LRRC8D: variants seen among roughly 807,000 people sequenced by gnomAD.
LRRC8D encodes volume-regulated anion channel subunit LRRC8D.
A neutral mutation model predicts 55.8 loss-of-function variants in LRRC8D; 20 were observed. The ratio of observed to expected loss-of-function variants is 0.36; its 90% CI spans 0.25 to 0.52. LRRC8D has a LOEUF of 0.52. Among genes scored for constraint, LRRC8D ranks in the 20% least tolerant of loss-of-function variants. The pLI, the probability that LRRC8D is intolerant of heterozygous loss-of-function variation, is 0.93. For synonymous variants in LRRC8D, 352 were observed against 377.0 expected (o/e 0.93, Z 0.77); for missense variants, 651 against 1,030.8 (o/e 0.63, Z 5.05).
intron 2 of LRRC8D, among the ~76,000 whole-genome samples, chr1:89,920,133 T>C (rs1011604703): frequency 1.3e-5 from 2 of 152,196 alleles, no homozygotes; most frequent in African/African-American, 4.8e-5. Flanking sequence ...TAAAAACAAA[T>C]TCACAGCAGT....
chr1:89,843,592 C>T (rs771314829), intron 1 of LRRC8D, 46 bp from the exon 2 acceptor site: 61 of 698,434 alleles, frequency 8.7e-5, no homozygotes, highest in Non-Finnish European at 1.6e-4. Context: ...CCGCTGCCGA[C>T]ACTTGGATCT....
At chr1:89,927,735 G>T (rs990386540) in intron 2 of LRRC8D, among the ~76,000 whole-genome samples, 4 of 152,106 alleles carry the variant, frequency 2.6e-5, no homozygotes, top group Non-Finnish European at 5.9e-5. Context: ...TAGGAATTCT[G>T]GTGGATTTTA....
At chr1:89,879,977 T>C (rs977947447) in intron 2 of LRRC8D, among the ~76,000 whole-genome samples, 4 of 152,002 alleles carry the variant, frequency 2.6e-5, no homozygotes, top group African/African-American at 9.7e-5. Context: ...TCTAGAGAGA[T>C]AGTGTGGACT....
chr1:89,821,499 T>C (rs888880012), intron 1 of LRRC8D, among the ~76,000 whole-genome samples: 3 of 152,140 alleles, frequency 2.0e-5, no homozygotes, highest in African/African-American at 7.2e-5. Context: ...CGCCAGGGCC[T>C]GGGAGATTGT....
chr1:89,884,144 C>T lies in LRRC8D; in HGVS notation c.-3+40362C>T, dbSNP rs187949723. Among the ~76,000 whole-genome samples the T allele has an allele frequency of 3.3e-4, 50 of 152,322 alleles. 1 individual carries two copies. Among genetic ancestry groups the T allele is most frequent in the Admixed American group, 2.4e-3 (36 of 15,304 alleles). ...GTTTGAACGGCATCTAGTCATGCTA[C>T]AGCCTGCACCTAAAATTGCAGATGG... On this transcript the variant is annotated intron_variant, in intron 2 of 2. Coordinates refer to ENST00000337338, the MANE Select transcript of LRRC8D (RefSeq NM_001134479.2).
chr1:89,870,276 A>T (rs1165227688), intron 2 of LRRC8D, among the ~76,000 whole-genome samples: 1 of 151,922 alleles, frequency 6.6e-6, no homozygotes, highest in Non-Finnish European at 1.5e-5. Flanking sequence ...GGAGATAGAG[A>T]CCATCCTGGC....
At chr1:89,846,244 T>A (rs115745212) in intron 2 of LRRC8D, among the ~76,000 whole-genome samples, 2,715 of 152,260 alleles carry the variant, frequency 0.018, 66 homozygotes, top group African/African-American at 0.059. Flanking sequence ...ATTCTAGTGA[T>A]ATTTAAACTC....
intron 1 of LRRC8D, among the ~76,000 whole-genome samples, chr1:89,833,113 A>G (rs1034400795): frequency 1.3e-5 from 2 of 152,346 alleles, no homozygotes; most frequent in East Asian, 1.9e-4. Context: ...CTCTCACAAC[A>G]ACGACGAACA....
chr1:89,843,698 G>A lies in LRRC8D; in HGVS notation c.-87G>A. On this transcript the variant is annotated 5_prime_UTR_variant, in exon 2 of 3. Transcript: ENST00000337338. ...TCAGGATGGAGGAGTGAAGTCTCCTGTCGCCGTGGTTCCAGCCTCCGGAGC... is the reference window on the plus strand; with the variant it reads ...TCAGGATGGAGGAGTGAAGTCTCCTATCGCCGTGGTTCCAGCCTCCGGAGC... 1.4e-6 allele frequency: 1 copy of A among 702,228 alleles called. No homozygotes were observed. Among genetic ancestry groups the A allele is most frequent in the Non-Finnish European group, 2.6e-6 (1 of 384,780 alleles). The allele number at this position is 702,228 out of a possible 1,614,324, so 43.5% of individuals were successfully genotyped here.
At chr1:89,895,540 A>G (rs1662685466) in intron 2 of LRRC8D, among the ~76,000 whole-genome samples, 1 of 129,674 alleles carries the variant, frequency 7.7e-6, no homozygotes, top group African/African-American at 3.1e-5. Context: ...TGTTGCTTTT[A>G]AAGATGTACT....
At chr1:89,851,572 C>T (rs1377746522) in intron 2 of LRRC8D, among the ~76,000 whole-genome samples, 5 of 151,502 alleles carry the variant, frequency 3.3e-5, no homozygotes, top group Non-Finnish European at 5.9e-5. Flanking sequence ...TGCAATGGCA[C>T]AATCTCGGCT....
intron 2 of LRRC8D, among the ~76,000 whole-genome samples, chr1:89,895,198 T>G (rs1406560776): frequency 6.6e-6 from 1 of 152,226 alleles, no homozygotes; most frequent in African/African-American, 2.4e-5. Context: ...AGGACTTTTG[T>G]ATTACTACGC....
At chr1:89,884,014 A>C (rs1662345661) in intron 2 of LRRC8D, among the ~76,000 whole-genome samples, 1 of 152,152 alleles carries the variant, frequency 6.6e-6, no homozygotes, top group Non-Finnish European at 1.5e-5. Flanking sequence ...ATTATTACTG[A>C]TTCTTTGTAG....
chr1:89,871,917 C>G (rs888048464), intron 2 of LRRC8D, among the ~76,000 whole-genome samples: 1 of 152,118 alleles, frequency 6.6e-6, no homozygotes, highest in East Asian at 1.9e-4. Flanking sequence ...CTAAATACTA[C>G]CTCGTATTTG....
At chr1:89,903,151 G>A (rs1662906791) in intron 2 of LRRC8D, among the ~76,000 whole-genome samples, 2 of 152,174 alleles carry the variant, frequency 1.3e-5, no homozygotes, top group Admixed American at 1.3e-4. Context: ...TCTTCGCTCT[G>A]GCAGTGTGAC....
intron 2 of LRRC8D, among the ~76,000 whole-genome samples, chr1:89,882,175 A>G (rs1021835439): frequency 2.0e-5 from 3 of 152,252 alleles, no homozygotes; most frequent in African/African-American, 7.2e-5. Context: ...TTGAGAAACA[A>G]GTTCCTGTAG....
At chr1:89,893,853 T>C (rs1239008644) in intron 2 of LRRC8D, among the ~76,000 whole-genome samples, 1 of 152,230 alleles carries the variant, frequency 6.6e-6, no homozygotes, top group Non-Finnish European at 1.5e-5. Flanking sequence ...ATTTTAATTG[T>C]TCTGTATTTG....
chr1:89,843,083 C>T (rs1182664657), intron 1 of LRRC8D: 1 of 152,216 alleles, frequency 6.6e-6, no homozygotes, highest in Non-Finnish European at 1.5e-5. Context: ...CAAGTAATTT[C>T]CCATCTTGAA....
chr1:89,915,121 T>C (rs1269792207), intron 2 of LRRC8D, among the ~76,000 whole-genome samples: 1 of 152,066 alleles, frequency 6.6e-6, no homozygotes, highest in African/African-American at 2.4e-5. Flanking sequence ...TGTAAATGAT[T>C]ATGAGCTTGA....
Sources: gnomAD v4.1 joint callset for allele counts (sites outside exome capture counted in the v4.1 genomes callset) on GRCh38, gnomAD v4.1.1 for gene constraint, MANE v1.5 for transcripts, NCBI Gene and HGNC (gene_info 2026-07-23, HGNC 2026-07-21) for gene names.